The following HMCN2 variants were observed in gnomAD, a reference collection of about 807,000 sequenced individuals.
HMCN2 encodes the protein hemicentin-2.
A neutral mutation model predicts 377.5 loss-of-function variants in HMCN2; 325 were observed. That is an observed-to-expected ratio of 0.86 (90% CI 0.79 to 0.94). The LOEUF (loss-of-function observed/expected upper bound fraction) is 0.94. Among genes scored for constraint, HMCN2 ranks in the 40% least tolerant of loss-of-function variants. The probability of loss-of-function intolerance (pLI) is 0.00; values close to 1 mark genes in which losing one functional copy is unlikely to be tolerated. For missense variants in HMCN2, 4,543 were observed against 4,725.3 expected (o/e 0.96, Z 1.13); for synonymous variants, 2,007 against 2,046.8 (o/e 0.98, Z 0.53).
intron 33 of HMCN2, 108 bp downstream of exon 33, chr9:130,355,962 G>A: frequency 1.1e-6 from 1 of 912,272 alleles, no homozygotes. Context: ...TCCAGGAGTA[G>A]GAAAGAGGCC....
At chr9:130,408,007 T>C (rs1236382511) in intron 83 of HMCN2, among the ~76,000 whole-genome samples, 1 of 152,206 alleles carries the variant, frequency 6.6e-6, no homozygotes, top group Non-Finnish European at 1.5e-5. Flanking sequence ...TGCAGCTGGA[T>C]GGTGCCAGGG....
chr9:130,312,245 C>T (rs937928025), intron 15 of HMCN2, among the ~76,000 whole-genome samples: 11 of 152,032 alleles, frequency 7.2e-5, no homozygotes, highest in South Asian at 6.3e-4. Flanking sequence ...GCGCTGCTTA[C>T]GTCTGCAAGC....
chr9:130,320,457 C>A lies in HMCN2; in HGVS notation c.2647+6C>A, dbSNP rs1837783605. On this transcript the variant is annotated splice_donor_region_variant and intron_variant, in intron 17 of 97. Transcript: ENST00000683500. ...GCTCATCGTCACTGGTCACGGTTCGCTGGTGGATCTGAGGGCCGTGGGAGG... is the reference window on the plus strand; with the variant it reads ...GCTCATCGTCACTGGTCACGGTTCGATGGTGGATCTGAGGGCCGTGGGAGG... 1 of 152,516 alleles carries A rather than the reference C, an allele frequency of 6.6e-6. No homozygotes were observed. Among genetic ancestry groups the A allele is most frequent in the Non-Finnish European group, 1.5e-5 (1 of 68,258 alleles). The allele number at this position is 152,516 out of a possible 1,614,324, so 9.4% of individuals were successfully genotyped here.
intron 4 of HMCN2, among the ~76,000 whole-genome samples, chr9:130,288,767 CT>C (rs1449394111): frequency 2.6e-5 from 4 of 152,176 alleles, no homozygotes; most frequent in Non-Finnish European, 5.9e-5. Flanking sequence ...GAGCATTTCA[CT>C]TTTTTTCAAT....
At chr9:130,266,300 T>C (rs1834096068) in intron 1 of HMCN2, among the ~76,000 whole-genome samples, 163 bp downstream of exon 1, 1 of 152,224 alleles carries the variant, frequency 6.6e-6, no homozygotes, top group Admixed American at 6.5e-5. Flanking sequence ...CCTGGCCACC[T>C]GGGCAGTCCT....
chr9:130,269,904 A>G lies in HMCN2; in HGVS notation c.259+3767A>G, dbSNP rs1214589115. On this transcript the variant is annotated intron_variant, in intron 1 of 97. Transcript: ENST00000683500. ...CTGCTCACTGCAACCTCCACCTCCCAGGTTCAAGTGATTCTCCTGCCTCAG... is the reference window on the plus strand; with the variant it reads ...CTGCTCACTGCAACCTCCACCTCCCGGGTTCAAGTGATTCTCCTGCCTCAG... Among the ~76,000 whole-genome samples the G allele has an allele frequency of 1.0e-4, 15 of 147,840 alleles. 3 individuals are homozygous for G. The highest frequency in any genetic ancestry group is 4.7e-4 in the Admixed American group (7 of 14,792).
intron 40 of HMCN2, among the ~76,000 whole-genome samples, chr9:130,363,913 AAAAG>A (rs763478758): frequency 1.1e-3 from 57 of 52,118 alleles, no homozygotes; most frequent in Non-Finnish European, 3.5e-3. Context: ...GAGAGAAAGA[AAAAG>A]AAAGGAAAAA....
At chr9:130,352,357 C>T (rs545901211) in intron 30 of HMCN2, among the ~76,000 whole-genome samples, 2 of 152,360 alleles carry the variant, frequency 1.3e-5, no homozygotes, top group East Asian at 3.9e-4. Context: ...CAGCCTGCAT[C>T]TGCACTCTCT....
intron 15 of HMCN2, among the ~76,000 whole-genome samples, chr9:130,315,191 TC>T (rs1837472446): frequency 1.8e-4 from 1 of 5,482 alleles, no homozygotes; most frequent in Non-Finnish European, 3.5e-4. Flanking sequence ...CCTTCCTCCC[TC>T]CCTCCCCTCC....
Position 130,348,680 on chromosome 9 carries a change from G to T in HMCN2, c.4155+5G>T. On this transcript the variant is annotated splice_donor_5th_base_variant and intron_variant, in intron 27 of 97. Transcript: ENST00000683500. ...TGGCTGAAGGACGCGCAGCTGGTGGGTGTCCCCCTAGGGTGGGCGGGGTAT... is the reference window on the plus strand; with the variant it reads ...TGGCTGAAGGACGCGCAGCTGGTGGTTGTCCCCCTAGGGTGGGCGGGGTAT... 1 of 1,302,410 alleles carries T rather than the reference G, an allele frequency of 7.7e-7. No individual in the cohort carries two copies. 80.7% of individuals were successfully genotyped at this position (1,302,410 alleles called of 1,614,324 possible).
chr9:130,383,087 G>T lies in HMCN2; in HGVS notation c.8733+221G>T, dbSNP rs540419045. Among the ~76,000 whole-genome samples the T allele has an allele frequency of 9.2e-5, 14 of 152,310 alleles. No individual in the cohort carries two copies. In the South Asian group the frequency reaches 2.7e-3, roughly 29 times the overall value. ...AGACACCTAGCAAAGGATGCACATGGGTGCGGGACCCAGAGCCCAGCACCG... is the reference window on the plus strand; with the variant it reads ...AGACACCTAGCAAAGGATGCACATGTGTGCGGGACCCAGAGCCCAGCACCG... On this transcript the variant is annotated intron_variant, in intron 56 of 97. Transcript: ENST00000683500.
At chr9:130,419,432 C>T in intron 86 of HMCN2, 1 of 166,670 alleles carries the variant, frequency 6.0e-6, no homozygotes, top group Non-Finnish European at 1.3e-5. Context: ...CTGGCCGTGG[C>T]AGGTGGTTGG....
intron 34 of HMCN2, among the ~76,000 whole-genome samples, chr9:130,356,662 C>T (rs1388088113): frequency 6.6e-6 from 1 of 152,256 alleles, no homozygotes; most frequent in Non-Finnish European, 1.5e-5. Flanking sequence ...CTCCAGGAAG[C>T]CTTCCTTGAT....
At chr9:130,425,592 T>C in intron 89 of HMCN2, 95 bp from the exon 90 acceptor site, 2 of 923,040 alleles carry the variant, frequency 2.2e-6, no homozygotes, top group Non-Finnish European at 3.4e-6. Flanking sequence ...GCTTGGGAGT[T>C]GAAATCTCAG....
intron 4 of HMCN2, among the ~76,000 whole-genome samples, chr9:130,286,661 T>G (rs1835430514): frequency 1.3e-5 from 2 of 152,208 alleles, no homozygotes; most frequent in Admixed American, 1.3e-4. Flanking sequence ...CCCCAGAGAC[T>G]GTGGCAGAAA....
In HMCN2 at chr9:130,265,760, G is replaced by T. The variant is rs1834054378; in HGVS notation, c.-119G>T. On this transcript the variant is annotated 5_prime_UTR_variant, in exon 1 of 98. Transcript: ENST00000683500. ...CCCGCCGCGCGCCCCTATCCCTCGC[G>T]CACTGGCCGCGGCCCGACGGAGCAA... 1.4e-5 allele frequency: 3 copies of T among 219,552 alleles called. No homozygotes were observed. The highest frequency in any genetic ancestry group is 1.8e-5 in the Non-Finnish European group (2 of 110,264). The allele number at this position is 219,552 out of a possible 1,614,324, so 13.6% of individuals were successfully genotyped here.
chr9:130,413,963 T>A (rs1204888874), intron 85 of HMCN2, among the ~76,000 whole-genome samples: 2 of 144,608 alleles, frequency 1.4e-5, no homozygotes, highest in African/African-American at 5.2e-5. Context: ...CTGGGCAATA[T>A]GGTGAAACCC....
intron 94 of HMCN2, 38 bp downstream of exon 94, chr9:130,429,723 C>G (rs1308911791): frequency 7.6e-7 from 1 of 1,314,708 alleles, no homozygotes; most frequent in Non-Finnish European, 1.0e-6. Flanking sequence ...ACCGCTGCAG[C>G]TGCCCCAGGG....
At position 130,372,432 on chromosome 9, in the gene HMCN2, G is replaced by A. The variant is rs553900544; in HGVS notation, c.7351+25G>A. 1.1e-4 allele frequency: 102 copies of A among 933,388 alleles called. 1 individual carries two copies. The South Asian group carries it at 3.8e-3, about 35-fold the overall frequency. 57.8% of individuals were successfully genotyped at this position (933,388 alleles called of 1,614,324 possible). ...GGTGCGTTACAACCCCATTCTCATG[G>A]GTGCCCTATGAACTCTTCCCCACTG... On this transcript the variant is annotated intron_variant, in intron 47 of 97. Transcript: ENST00000683500.
Sources: allele counts gnomAD v4.1 joint callset (sites outside exome capture counted in the v4.1 genomes callset), GRCh38; gene constraint gnomAD v4.1.1; transcripts MANE v1.5; gene names NCBI Gene and HGNC (gene_info 2026-07-23, HGNC 2026-07-21).